AK7: variants seen among roughly 807,000 people sequenced by gnomAD.
The protein encoded by AK7 is adenylate kinase 7.
In AK7, 78 loss-of-function variants were observed where a neutral mutation model predicts 96.6. The ratio of observed to expected loss-of-function variants is 0.81; its 90% confidence interval spans 0.67 to 0.97. AK7 has a LOEUF of 0.97. AK7 is among the 50% of genes least tolerant of loss of function. The pLI, the probability that AK7 is intolerant of heterozygous loss-of-function variation, is 0.00. For synonymous variants in AK7, 302 were observed against 317.2 expected (o/e 0.95, Z 0.51); for missense variants, 855 against 887.9 (o/e 0.96, Z 0.47).
At position 96,403,114 on chromosome 14, in the gene AK7, TTAAATAAATAAA is replaced by T. The variant is rs59930782; in HGVS notation, c.295-1613_295-1602del. ...CTGGGCAACAGAGCAAGACTCTGTC[TTAAATAAATAAA>T]TAAATAAATAAATAAATAAATAAAT... is the stretch of plus-strand genomic sequence containing the variant. On this transcript the variant is annotated intron_variant, in intron 2 of 17. Transcript: ENST00000267584. Among the ~76,000 whole-genome samples the T allele has an allele frequency of 7.1e-4, 100 of 140,268 alleles. 1 individual carries two copies. The highest frequency in any genetic ancestry group is 7.9e-4 in the Admixed American group (11 of 13,860). The allele number at this position is 140,268 out of a possible 152,430, so 92.0% of individuals were successfully genotyped here.
chr14:96,445,931 A>C (rs913988938), intron 7 of AK7, among the ~76,000 whole-genome samples: 6 of 152,176 alleles, frequency 3.9e-5, no homozygotes, highest in African/African-American at 1.4e-4. Context: ...AGCAGCACCT[A>C]CATGCTAGGG....
chr14:96,400,712 C>T (rs1968577), intron 2 of AK7, among the ~76,000 whole-genome samples: 21,213 of 152,258 alleles, frequency 0.14, 1,756 homozygotes, highest in Non-Finnish European at 0.18. Context: ...CCAGCAGTCC[C>T]TGGCAAGCAT....
chr14:96,487,160 T>C (rs1675053274), intron 17 of AK7, 104 bp downstream of exon 17: 2 of 1,203,894 alleles, frequency 1.7e-6, no homozygotes, highest in East Asian at 5.0e-5. Context: ...GGATCACTTG[T>C]GGTCAGGAGT....
chr14:96,435,173 G>C (rs540811362), intron 5 of AK7, among the ~76,000 whole-genome samples: 1 of 152,038 alleles, frequency 6.6e-6, no homozygotes, highest in Non-Finnish European at 1.5e-5. Context: ...AGCAGAAGGA[G>C]TTTTGGCCTG....
intron 4 of AK7, among the ~76,000 whole-genome samples, chr14:96,415,480 G>A (rs1309740966): frequency 2.0e-5 from 3 of 151,846 alleles, no homozygotes; most frequent in African/African-American, 7.3e-5. Context: ...GGAGTCTACT[G>A]TACATTTAAA....
chr14:96,471,623 T>C lies in AK7; in HGVS notation c.1486+17T>C. The C allele has an allele frequency of 6.6e-7, 1 of 1,506,862 alleles. No homozygotes were observed. Among genetic ancestry groups the C allele is most frequent in the Non-Finnish European group, 8.9e-7 (1 of 1,129,434 alleles). The allele number at this position is 1,506,862 out of a possible 1,614,324, so 93.3% of individuals were successfully genotyped here. A position where few individuals can be genotyped will look rare whatever the true frequency, so the allele number is the denominator to read the frequency against. ...TGTTCAATCGTAAGTTTGAGTGTTCTATTTTGAGTATTTATATTCAGATAA... is the reference window on the plus strand; with the variant it reads ...TGTTCAATCGTAAGTTTGAGTGTTCCATTTTGAGTATTTATATTCAGATAA... On this transcript the variant is annotated intron_variant, in intron 13 of 17. Coordinates refer to ENST00000267584, the MANE Select transcript of AK7 (RefSeq NM_152327.5).
Position 96,449,473 on chromosome 14 carries a change from G to A in AK7, c.871-329G>A, listed in dbSNP as rs559478187. Among the ~76,000 whole-genome samples, 7 of 152,202 alleles carry A rather than the reference G, an allele frequency of 4.6e-5. No individual in the cohort carries two copies. In the East Asian group the frequency reaches 1.4e-3, roughly 29 times the overall value. ...TTTTGAGATGGAGTCTCGCTCTATC[G>A]CCCAGGCTGGAGTGCAGTGGTGTGA... is the stretch of plus-strand genomic sequence containing the variant. On this transcript the variant is annotated intron_variant, in intron 8 of 17. Coordinates refer to ENST00000267584, the MANE Select transcript of AK7 (RefSeq NM_152327.5).
chr14:96,407,580 C>CT (rs11364736), intron 3 of AK7, among the ~76,000 whole-genome samples: 5,760 of 60,280 alleles, frequency 0.096, 281 homozygotes, highest in African/African-American at 0.19. Flanking sequence ...TCTTTCTTTT[C>CT]TTTTTTTTTT....
intron 6 of AK7, among the ~76,000 whole-genome samples, chr14:96,440,858 T>G (rs1402218694): frequency 1.3e-5 from 2 of 152,146 alleles, no homozygotes; most frequent in African/African-American, 4.8e-5. Context: ...AGGAAGAAAT[T>G]TTTTAAAGAT....
At chr14:96,421,802 C>T (rs1400076910) in intron 5 of AK7, among the ~76,000 whole-genome samples, 2 of 151,948 alleles carry the variant, frequency 1.3e-5, no homozygotes, top group East Asian at 3.9e-4. Context: ...AGTCAGAGTT[C>T]CACCATGTTA....
chr14:96,426,888 C>T (rs1892057443), intron 5 of AK7, among the ~76,000 whole-genome samples: 2 of 152,116 alleles, frequency 1.3e-5, no homozygotes, highest in South Asian at 4.1e-4. Context: ...TATAGGTTGT[C>T]TTGTGTATTA....
rs10694621 is a variant in AK7 at position 96,414,757 on chromosome 14, C to CTTTTT, written c.498+5835_498+5839dup. On this transcript the variant is annotated intron_variant, in intron 4 of 17. Transcript: ENST00000267584. ...AGGTTGAAGAAGATAAGGATTCCTT[C>CTTTTT]TTTTTTTTTTTTTTTTTTTTTTTAG... is the stretch of plus-strand genomic sequence containing the variant. Among the ~76,000 whole-genome samples the CTTTTT allele has an allele frequency of 6.5e-4, 65 of 100,062 alleles. 1 individual carries two copies. The highest frequency in any genetic ancestry group is 2.9e-3 in the East Asian group (9 of 3,120). 65.6% of individuals were successfully genotyped at this position (100,062 alleles called of 152,430 possible).
At chr14:96,485,767 C>T (rs997617856) in intron 16 of AK7, among the ~76,000 whole-genome samples, 1 of 151,638 alleles carries the variant, frequency 6.6e-6, no homozygotes, top group Non-Finnish European at 1.5e-5. Flanking sequence ...TAAGAAAGAC[C>T]TCCTTTCAAA....
chr14:96,407,739 G>A (rs1458055339), intron 3 of AK7, among the ~76,000 whole-genome samples: 3 of 151,710 alleles, frequency 2.0e-5, no homozygotes, highest in East Asian at 3.9e-4. Flanking sequence ...CCGCCACCAC[G>A]CCCAGCTAAT....
At chr14:96,443,780 A>AT (rs60861399) in intron 7 of AK7, among the ~76,000 whole-genome samples, 4 of 137,610 alleles carry the variant, frequency 2.9e-5, no homozygotes, top group Admixed American at 2.2e-4. Flanking sequence ...AAAACTCATA[A>AT]TTTTTTTTTT....
At chr14:96,476,213 A>G (rs567888257) in intron 14 of AK7, among the ~76,000 whole-genome samples, 1 of 152,298 alleles carries the variant, frequency 6.6e-6, no homozygotes, top group African/African-American at 2.4e-5. Context: ...TTGTTAAAAC[A>G]TAGCTTTTTC....
chr14:96,402,123 C>G (rs1890443259), intron 2 of AK7, among the ~76,000 whole-genome samples: 1 of 151,626 alleles, frequency 6.6e-6, no homozygotes, highest in African/African-American at 2.4e-5. Flanking sequence ...GGGCCCTTGT[C>G]TACATTAGAC....
rs903181138 is a variant in AK7 at position 96,489,218 on chromosome 14, G to C, written c.*875G>C. The stretch of plus-strand genomic sequence containing the variant: ...AATTGACCACTGTAACCATTTTAAA[G>C]TGTATAATTCAGTGGCACTAAGTTC... On this transcript the variant is annotated 3_prime_UTR_variant, in exon 18 of 18. Coordinates refer to ENST00000267584, the MANE Select transcript of AK7 (RefSeq NM_152327.5). 4 of 152,142 alleles carry C rather than the reference G, an allele frequency of 2.6e-5. No homozygotes were observed. Among genetic ancestry groups the C allele is most frequent in the South Asian group, 2.1e-4 (1 of 4,832 alleles). 9.4% of individuals were successfully genotyped at this position (152,142 alleles called of 1,614,324 possible).
intron 11 of AK7, 123 bp downstream of exon 11, chr14:96,456,598 G>A: frequency 8.4e-7 from 1 of 1,185,156 alleles, no homozygotes; most frequent in Non-Finnish European, 1.2e-6. Context: ...AATTTTGTTG[G>A]CAACATCCAA....
Sources: gnomAD v4.1 joint callset for allele counts (sites outside exome capture counted in the v4.1 genomes callset) on GRCh38, gnomAD v4.1.1 for gene constraint, MANE v1.5 for transcripts, NCBI Gene and HGNC (gene_info 2026-07-23, HGNC 2026-07-21) for gene names.